Variants in LRIT3 observed in about 807,000 individuals in gnomAD.
LRIT3 encodes leucine rich repeat, Ig-like and transmembrane domains 3, also known as leucine-rich repeat, immunoglobulin-like domain and transmembrane domain-containing protein 3.
LRIT3 carries 14 observed loss-of-function variants against 22.6 expected under a neutral mutation model. The ratio of observed to expected loss-of-function variants is 0.62; its 90% CI spans 0.41 to 0.97. The LOEUF is 0.97. LRIT3 is among the 50% of genes least tolerant of loss of function. The probability of loss-of-function intolerance (pLI) is 0.00; values close to 1 mark genes in which losing one functional copy is unlikely to be tolerated. For missense variants in LRIT3, 783 were observed against 803.0 expected (o/e 0.98, Z 0.30); for synonymous variants, 306 against 304.5 (o/e 1.01, Z -0.05).
At position 109,848,162 on chromosome 4, in the gene LRIT3, C is replaced by A; in HGVS notation, c.-40C>A. On this transcript the variant is annotated 5_prime_UTR_variant, in exon 1 of 4. Coordinates refer to ENST00000594814, the MANE Select transcript of LRIT3 (RefSeq NM_198506.5). ...TACCAGGTTCTGAATGCTTAGGATT[C>A]GGTTTTTACCTTTTGTTTAAATAAC... The A allele has an allele frequency of 1.8e-6, 2 of 1,100,316 alleles. No homozygotes were observed. Among genetic ancestry groups the A allele is most frequent in the Non-Finnish European group, 2.3e-6 (2 of 867,906 alleles). 68.2% of individuals were successfully genotyped at this position (1,100,316 alleles called of 1,614,324 possible). A position where few individuals can be genotyped will look rare whatever the true frequency, so the allele number is the denominator to read the frequency against.
chr4:109,853,832 A>G (rs142133601), intron 2 of LRIT3, among the ~76,000 whole-genome samples: 4 of 152,184 alleles, frequency 2.6e-5, no homozygotes, highest in Non-Finnish European at 5.9e-5. Flanking sequence ...AACCCCATTT[A>G]TTAAATAGAG....
intron 2 of LRIT3, 29 bp downstream of exon 2, chr4:109,852,005 T>C: frequency 6.7e-7 from 1 of 1,489,340 alleles, no homozygotes; most frequent in Non-Finnish European, 8.9e-7. Context: ...GGGCTTTTCA[T>C]CTATAGTTAC....
At chr4:109,852,304 C>T (rs764245343) in intron 2 of LRIT3, among the ~76,000 whole-genome samples, 1 of 152,224 alleles carries the variant, frequency 6.6e-6, no homozygotes, top group Non-Finnish European at 1.5e-5. Flanking sequence ...CTTGTGAGCA[C>T]AGCATTGCTC....
chr4:109,869,801 C>G lies in LRIT3; in HGVS notation c.1052C>G (p.Thr351Ser). The change falls in exon 4 of 4, where the codon ACT becomes AGT. Residue 351 changes from threonine to serine, a missense_variant. Physicochemically the swap from Thr to Ser is moderately conservative, Grantham distance 58 (BLOSUM62 1). Coordinates refer to ENST00000594814, the MANE Select transcript of LRIT3 (RefSeq NM_198506.5). ...VTVTVLGITT[T>S]PIPPDTSERT... ...GTGACAGTGCTTGGCATTACCACAA[C>G]TCCAATACCACCAGACACTTCTGAA... 6.2e-7 allele frequency: 1 copy of G among 1,613,978 alleles called. No individual in the cohort carries two copies. The highest frequency in any genetic ancestry group is 8.5e-7 in the Non-Finnish European group (1 of 1,179,856).
intron 2 of LRIT3, among the ~76,000 whole-genome samples, chr4:109,862,724 G>A (rs887870224): frequency 1.3e-5 from 2 of 152,126 alleles, no homozygotes; most frequent in Non-Finnish European, 2.9e-5. Context: ...TTTTGAAAGA[G>A]TATCTCACTT....
intron 1 of LRIT3, among the ~76,000 whole-genome samples, chr4:109,848,772 A>C (rs1056359927): frequency 2.0e-5 from 3 of 152,210 alleles, no homozygotes; most frequent in African/African-American, 7.2e-5. Flanking sequence ...GAAAGATCTC[A>C]AGAGTGAAGT....
At chr4:109,865,811 T>TG (rs1373251800) in intron 2 of LRIT3, among the ~76,000 whole-genome samples, 1 of 152,128 alleles carries the variant, frequency 6.6e-6, no homozygotes. Flanking sequence ...AGATATCTCA[T>TG]GGGGGTGAAG....
intron 2 of LRIT3, among the ~76,000 whole-genome samples, chr4:109,864,045 T>C (rs1734618826): frequency 6.6e-6 from 1 of 152,198 alleles, no homozygotes; most frequent in East Asian, 1.9e-4. Context: ...TATAACTGAA[T>C]AAATTTGATG....
intron 2 of LRIT3, among the ~76,000 whole-genome samples, chr4:109,853,670 T>A (rs1734330201): frequency 6.6e-6 from 1 of 152,222 alleles, no homozygotes. Flanking sequence ...TCTTTACCCA[T>A]GCCTATGTCC....
At chr4:109,864,442 G>C (rs1352930051) in intron 2 of LRIT3, among the ~76,000 whole-genome samples, 5 of 152,154 alleles carry the variant, frequency 3.3e-5, no homozygotes, top group African/African-American at 9.7e-5. Flanking sequence ...TTATTTGTGA[G>C]AGGCAAGCCA....
intron 2 of LRIT3, among the ~76,000 whole-genome samples, chr4:109,863,349 A>C (rs1291933407): frequency 6.6e-6 from 1 of 152,180 alleles, no homozygotes; most frequent in Non-Finnish European, 1.5e-5. Context: ...GACCCTGGGC[A>C]GATTCCTTAA....
Position 109,870,078 on chromosome 4 carries a change from G to T in LRIT3, c.1329G>T (p.Gln443His), listed in dbSNP as rs528459961. 1.9e-6 allele frequency: 3 copies of T among 1,614,012 alleles called. No homozygotes were observed. Among genetic ancestry groups the T allele is most frequent in the Non-Finnish European group, 2.5e-6 (3 of 1,180,038 alleles). Residue 443 changes from glutamine (Q) to histidine (H), a missense_variant, in exon 4 of 4, where the codon CAG becomes CAT. Gln to His is a conservative substitution (Grantham distance 24). Around this residue, in one of 2 missense-constraint regions of LRIT3, gnomAD observed 756 missense variants for 753.8 expected, o/e 1.00. Transcript: ENST00000594814. ...STTMANKRSF[Q>H]LHQGGKRNLK... ...CCATGGCCAACAAGCGATCATTCCA[G>T]CTCCACCAAGGTGGGAAAAGAAATT...
intron 2 of LRIT3, among the ~76,000 whole-genome samples, chr4:109,858,695 T>C (rs1282750335): frequency 6.6e-6 from 1 of 152,180 alleles, no homozygotes; most frequent in Non-Finnish European, 1.5e-5. Context: ...TAAGAAAATT[T>C]AATGTGAGCA....
At chr4:109,865,110 AT>A in intron 2 of LRIT3, 1 of 1,412,174 alleles carries the variant, frequency 7.1e-7, no homozygotes, top group Non-Finnish European at 9.3e-7. Context: ...CATTATTTTT[AT>A]TTTATAGGCT....
At chr4:109,858,715 T>C (rs1734464173) in intron 2 of LRIT3, among the ~76,000 whole-genome samples, 1 of 152,142 alleles carries the variant, frequency 6.6e-6, no homozygotes, top group South Asian at 2.1e-4. Context: ...AATGCCAAGT[T>C]TAGTTGTATG....
chr4:109,865,092 T>G, intron 2 of LRIT3: 1 of 1,419,110 alleles, frequency 7.0e-7, no homozygotes, highest in Non-Finnish European at 9.2e-7. Context: ...TTTCTTTTAG[T>G]CTATGATCAT....
intron 2 of LRIT3, among the ~76,000 whole-genome samples, chr4:109,865,863 A>G (rs990431869): frequency 3.9e-5 from 6 of 152,188 alleles, no homozygotes; most frequent in Non-Finnish European, 4.4e-5. Flanking sequence ...TAGGTTCCAG[A>G]GCCACACTTA....
At chr4:109,850,404 TTCCTTCCTTCCTTCCTTC>T (rs1289829668) in intron 1 of LRIT3, among the ~76,000 whole-genome samples, 3 of 3,298 alleles carry the variant, frequency 9.1e-4, no homozygotes, top group African/African-American at 3.2e-3. Context: ...CCTTCCTTCC[TTCCTTCCTTCCTTCCTTC>T]CTTTCTTTCT....
At chr4:109,868,974 G>A (rs1472563388) in intron 3 of LRIT3, among the ~76,000 whole-genome samples, 1 of 152,078 alleles carries the variant, frequency 6.6e-6, no homozygotes, top group African/African-American at 2.4e-5. Flanking sequence ...AAGGAAGAAT[G>A]AAAATATACC....
Sources: allele counts gnomAD v4.1 joint callset (sites outside exome capture counted in the v4.1 genomes callset), GRCh38; gene constraint gnomAD v4.1.1; regional missense constraint gnomAD v4.1.1; transcripts MANE v1.5; gene names NCBI Gene and HGNC (gene_info 2026-07-23, HGNC 2026-07-21).